The following ARHGAP35 variants were observed in gnomAD, a reference collection of about 807,000 sequenced individuals.
ARHGAP35 encodes Rho GTPase activating protein 35, also known as rho GTPase-activating protein 35.
In ARHGAP35, 15 loss-of-function variants were observed where a neutral mutation model predicts 111.1. The observed-to-expected ratio is 0.13, with a 90% CI of 0.09 to 0.21. The LOEUF (loss-of-function observed/expected upper bound fraction) is 0.21, where lower values mean the gene tolerates loss of function less well. ARHGAP35 is among the 10% of genes least tolerant of loss of function. ARHGAP35 has a pLI of 1.00. For synonymous variants in ARHGAP35, 643 were observed against 710.3 expected (o/e 0.91, Z 1.51); for missense variants, 1,262 against 1,873.0 (o/e 0.67, Z 6.02).
chr19:46,970,798 A>C (rs1476773705), intron 3 of ARHGAP35, among the ~76,000 whole-genome samples: 1 of 152,118 alleles, frequency 6.6e-6, no homozygotes, highest in Non-Finnish European at 1.5e-5. Context: ...TGGGAGGTAG[A>C]GTTGTTGGGA....
At chr19:46,888,382 A>G (rs573604382) in intron 1 of ARHGAP35, among the ~76,000 whole-genome samples, 1 of 136,912 alleles carries the variant, frequency 7.3e-6, no homozygotes, top group East Asian at 2.2e-4. Flanking sequence ...ACAAGAAGTA[A>G]GGCTCCTGCT....
chr19:46,982,667 T>C (rs2056627186), intron 3 of ARHGAP35, among the ~76,000 whole-genome samples: 1 of 152,092 alleles, frequency 6.6e-6, no homozygotes, highest in Non-Finnish European at 1.5e-5. Flanking sequence ...GCCTTAGAGC[T>C]CTGGCACATC....
At position 47,002,982 on chromosome 19, in the gene ARHGAP35, C is replaced by T. The variant is rs1231861954; in HGVS notation, c.*2294C>T. On this transcript the variant is annotated 3_prime_UTR_variant, in exon 7 of 7. Transcript: ENST00000672722. ...GTCTGGGGCACTCCCAATGCAGCGC[C>T]TTGTCAGCCAAGGTGGGCAGGCAGG... 2 of 152,500 alleles carry T rather than the reference C, an allele frequency of 1.3e-5. No individual in the cohort carries two copies. The highest frequency in any genetic ancestry group is 2.1e-4 in the South Asian group (1 of 4,832). 9.4% of individuals were successfully genotyped at this position (152,500 alleles called of 1,614,324 possible).
At position 46,922,487 on chromosome 19, in the gene ARHGAP35, C is replaced by T. The variant is rs1465237897; in HGVS notation, c.3681+131C>T. 4.5e-6 allele frequency: 4 copies of T among 882,892 alleles called. No homozygotes were observed. Among genetic ancestry groups the T allele is most frequent in the Non-Finnish European group, 6.6e-6 (4 of 609,610 alleles). The allele number at this position is 882,892 out of a possible 1,614,324, so 54.7% of individuals were successfully genotyped here. A position where few individuals can be genotyped will look rare whatever the true frequency, so the allele number is the denominator to read the frequency against. On this transcript the variant is annotated intron_variant, in intron 2 of 6. Coordinates refer to ENST00000672722, the MANE Select transcript of ARHGAP35 (RefSeq NM_004491.5). This position sits in a 1 kb window ranked among gnomAD's most constrained non-coding sequence, Gnocchi z 4.0. ...TGCCCTGTGTGTGTATTTGACTTAA[C>T]ATAAAAAAGCAGTGCCTCAATTAGC...
At position 47,000,581 on chromosome 19, in the gene ARHGAP35, ACGC is replaced by A; in HGVS notation, c.4395_4397del (p.Pro1466del). 6.2e-7 allele frequency: 1 copy of A among 1,604,952 alleles called. No homozygotes were observed. Among genetic ancestry groups the A allele is most frequent in the Non-Finnish European group, 8.5e-7 (1 of 1,176,990 alleles). On this transcript the variant is annotated inframe_deletion, in exon 7 of 7. Coordinates refer to ENST00000672722, the MANE Select transcript of ARHGAP35 (RefSeq NM_004491.5). This position sits in a 1 kb window ranked among gnomAD's most constrained non-coding sequence, Gnocchi z 6.9. ...TTCCACCGTCCCCTTCCTCACTTCC[ACGC>A]CTGTCACAAGTCAGCCGTCGCCCCC...
chr19:46,877,861 C>G (rs945149745), intron 1 of ARHGAP35, among the ~76,000 whole-genome samples: 1 of 151,876 alleles, frequency 6.6e-6, no homozygotes, highest in Non-Finnish European at 1.5e-5. Flanking sequence ...CGCCTGCCAC[C>G]GCGCCTGGCT....
intron 1 of ARHGAP35, among the ~76,000 whole-genome samples, chr19:46,880,584 C>T (rs897903393): frequency 3.9e-5 from 6 of 152,168 alleles, no homozygotes; most frequent in African/African-American, 1.4e-4. Context: ...TCAAAGCAGT[C>T]TGTGAGGGTT....
At chr19:46,890,378 T>C (rs2056017955) in intron 1 of ARHGAP35, among the ~76,000 whole-genome samples, 1 of 152,258 alleles carries the variant, frequency 6.6e-6, no homozygotes, top group African/African-American at 2.4e-5. Flanking sequence ...GGTGCAAGTA[T>C]TCATTCATTT....
chr19:46,920,554 G>A lies in ARHGAP35; in HGVS notation c.1879G>A (p.Val627Met). The change falls in exon 2 of 7, where the codon GTG (valine) becomes ATG (methionine). Residue 627 changes from valine (V) to methionine (M), a missense_variant. Val to Met is a conservative substitution (Grantham distance 21). Transcript: ENST00000672722. The surrounding 1 kb of genome is among the most constrained non-coding windows in gnomAD (Gnocchi z 7.0). Reference sequence around the variant, plus strand: ...TCTTTGTACAAATGATGACAAGTATGTGATAGATGGTAAAATGTATGAGCT... The same window carrying A: ...TCTTTGTACAAATGATGACAAGTATATGATAGATGGTAAAATGTATGAGCT... Reference protein sequence around the residue: ...RALCTNDDKYVIDGKMYELSL... With the variant: ...RALCTNDDKYMIDGKMYELSL... 1 of 1,614,026 alleles carries A rather than the reference G, an allele frequency of 6.2e-7. No individual in the cohort carries two copies.
intron 1 of ARHGAP35, among the ~76,000 whole-genome samples, chr19:46,879,761 G>T (rs2055949212): frequency 6.7e-6 from 1 of 150,360 alleles, no homozygotes; most frequent in African/African-American, 2.5e-5. Context: ...TCCAGCCTGG[G>T]TGGCAGAACT....
At chr19:46,967,973 A>C (rs1385812879) in intron 3 of ARHGAP35, among the ~76,000 whole-genome samples, 2 of 152,170 alleles carry the variant, frequency 1.3e-5, no homozygotes, top group African/African-American at 4.8e-5. Flanking sequence ...TTCCCAGTGA[A>C]CACGTAGCAC....
chr19:46,966,642 T>A (rs1420009375), intron 3 of ARHGAP35, among the ~76,000 whole-genome samples: 2 of 152,244 alleles, frequency 1.3e-5, no homozygotes, highest in Non-Finnish European at 2.9e-5. Context: ...TCTTCTCTTT[T>A]TTCTTGTGTA....
intron 1 of ARHGAP35, among the ~76,000 whole-genome samples, chr19:46,863,554 C>G (rs894488993): frequency 1.3e-5 from 2 of 152,056 alleles, no homozygotes; most frequent in Admixed American, 1.3e-4. Flanking sequence ...TATTCTCTTT[C>G]TCACTTTCCC....
chr19:46,881,249 G>A (rs549083573), intron 1 of ARHGAP35, among the ~76,000 whole-genome samples: 1 of 152,254 alleles, frequency 6.6e-6, no homozygotes, highest in South Asian at 2.1e-4. Context: ...TCAAGTGAAT[G>A]TTCTTAATGG....
chr19:46,951,158 C>T (rs2056410572), intron 3 of ARHGAP35, among the ~76,000 whole-genome samples: 2 of 152,226 alleles, frequency 1.3e-5, no homozygotes, highest in Admixed American at 1.3e-4. Context: ...CCCTATGCAG[C>T]TCATTTGCCT....
At chr19:46,872,122 A>G (rs577115969) in intron 1 of ARHGAP35, among the ~76,000 whole-genome samples, 8 of 152,226 alleles carry the variant, frequency 5.3e-5, no homozygotes, top group African/African-American at 1.9e-4. Context: ...ACCTTAGGGG[A>G]ATGGTTTGCT....
chr19:46,957,113 C>T (rs1210150458), intron 3 of ARHGAP35, among the ~76,000 whole-genome samples: 1 of 152,004 alleles, frequency 6.6e-6, no homozygotes, highest in Non-Finnish European at 1.5e-5. Flanking sequence ...AGGCACACAC[C>T]ACCACGCCCA....
At chr19:46,909,516 G>A (rs779870629) in intron 1 of ARHGAP35, among the ~76,000 whole-genome samples, 1 of 152,076 alleles carries the variant, frequency 6.6e-6, no homozygotes, top group African/African-American at 2.4e-5. Flanking sequence ...AGACCAGATA[G>A]GCAAACACTG....
At chr19:46,995,320 G>A (rs779846381) in intron 5 of ARHGAP35, among the ~76,000 whole-genome samples, 1 of 152,218 alleles carries the variant, frequency 6.6e-6, no homozygotes, top group Non-Finnish European at 1.5e-5. Context: ...AGAATTGCTT[G>A]AATCTGGGAG....
Sources: gnomAD v4.1 joint callset for allele counts (sites outside exome capture counted in the v4.1 genomes callset) on GRCh38, gnomAD v4.1.1 for gene constraint, Gnocchi (gnomAD v3.1) non-coding constraint, MANE v1.5 for transcripts, NCBI Gene and HGNC (gene_info 2026-07-23, HGNC 2026-07-21) for gene names.